PDZRN4: variants seen among roughly 807,000 people sequenced by gnomAD.
PDZRN4 encodes the protein PDZ domain-containing RING finger protein 4.
Under a neutral mutation model 99.0 loss-of-function variants are expected in PDZRN4, and 70 were observed. The ratio of observed to expected loss-of-function variants is 0.71; its 90% CI spans 0.58 to 0.86. The LOEUF is 0.86. Ranked by LOEUF, PDZRN4 falls within the 40% of genes least tolerant of loss-of-function variation. The pLI, the probability that PDZRN4 is intolerant of heterozygous loss-of-function variation, is 0.00. For missense variants in PDZRN4, 1,474 were observed against 1,331.2 expected, an observed-to-expected ratio of 1.11 and a Z score of -1.67; for synonymous variants, 551 against 501.6, an observed-to-expected ratio of 1.10 and a Z score of -1.32.
At chr12:41,233,640 G>A (rs1457633594) in intron 3 of PDZRN4, among the ~76,000 whole-genome samples, 1 of 152,084 alleles carries the variant, frequency 6.6e-6, no homozygotes, top group African/African-American at 2.4e-5. Flanking sequence ...CCTTTGTAGG[G>A]ACATGGATGA....
chr12:41,543,588 T>C (rs886599301), intron 5 of PDZRN4, among the ~76,000 whole-genome samples: 1 of 152,210 alleles, frequency 6.6e-6, no homozygotes, highest in East Asian at 1.9e-4. Flanking sequence ...TTGTTTTAGA[T>C]ATAACTTGTT....
intron 5 of PDZRN4, among the ~76,000 whole-genome samples, chr12:41,528,187 TG>T: frequency 7.1e-6 from 1 of 139,944 alleles, no homozygotes; most frequent in Non-Finnish European, 1.5e-5. Flanking sequence ...GGGGGTTTTT[TG>T]TTTGTTTGTT....
At chr12:41,259,011 T>C (rs1214094505) in intron 3 of PDZRN4, among the ~76,000 whole-genome samples, 1 of 152,084 alleles carries the variant, frequency 6.6e-6, no homozygotes, top group African/African-American at 2.4e-5. Context: ...TTATCATAGG[T>C]TGAAGCATCA....
chr12:41,337,879 C>A (rs1465019388), intron 3 of PDZRN4, among the ~76,000 whole-genome samples: 1 of 152,094 alleles, frequency 6.6e-6, no homozygotes, highest in African/African-American at 2.4e-5. Context: ...ACATAGATGA[C>A]CTCATAGAGG....
At chr12:41,469,937 A>G (rs1328130354) in intron 3 of PDZRN4, among the ~76,000 whole-genome samples, 1 of 152,076 alleles carries the variant, frequency 6.6e-6, no homozygotes, top group Admixed American at 6.5e-5. Flanking sequence ...CTCAAAAATA[A>G]AAAATAAAAA....
chr12:41,397,996 G>A (rs1952262336), intron 3 of PDZRN4, among the ~76,000 whole-genome samples: 1 of 152,092 alleles, frequency 6.6e-6, no homozygotes, highest in Admixed American at 6.6e-5. Flanking sequence ...GCTGCCTACA[G>A]CCCGGGGGAC....
intron 3 of PDZRN4, among the ~76,000 whole-genome samples, chr12:41,229,298 T>C (rs1951014443): frequency 6.6e-6 from 1 of 151,878 alleles, no homozygotes; most frequent in African/African-American, 2.4e-5. Context: ...AATGAAAGAA[T>C]CTTTTAAAGT....
intron 5 of PDZRN4, among the ~76,000 whole-genome samples, chr12:41,520,911 G>A (rs185550025): frequency 1.3e-5 from 2 of 152,214 alleles, no homozygotes; most frequent in Admixed American, 6.5e-5. Flanking sequence ...CACTTGGCTT[G>A]AACTGAGATA....
chr12:41,237,270 T>A (rs1469889094), intron 3 of PDZRN4, among the ~76,000 whole-genome samples: 2 of 152,108 alleles, frequency 1.3e-5, no homozygotes, highest in Admixed American at 6.6e-5. Context: ...TTTCATAATA[T>A]TTTAAAAAGA....
intron 3 of PDZRN4, among the ~76,000 whole-genome samples, chr12:41,475,559 T>C (rs1953034434): frequency 1.3e-5 from 2 of 152,198 alleles, no homozygotes; most frequent in Admixed American, 1.3e-4. Context: ...TAGAAAATTC[T>C]CATAAGAACA....
chr12:41,255,364 G>A (rs1157447673), intron 3 of PDZRN4, among the ~76,000 whole-genome samples: 1 of 152,124 alleles, frequency 6.6e-6, no homozygotes, highest in African/African-American at 2.4e-5. Context: ...TCTAAACTGG[G>A]GCTGTTCATG....
intron 3 of PDZRN4, among the ~76,000 whole-genome samples, chr12:41,432,400 T>A (rs1952592849): frequency 6.6e-6 from 1 of 152,230 alleles, no homozygotes; most frequent in African/African-American, 2.4e-5. Context: ...AGCAATCCTA[T>A]GGGGGAAAAT....
chr12:41,259,597 G>A (rs1460653676), intron 3 of PDZRN4, among the ~76,000 whole-genome samples: 1 of 152,040 alleles, frequency 6.6e-6, no homozygotes, highest in Admixed American at 6.5e-5. Flanking sequence ...GACCTTTGTT[G>A]CAGACTATAA....
In PDZRN4 at chr12:41,320,013, G is replaced by A. The variant is rs367792699; in HGVS notation, c.843+125825G>A. 3.3e-5 allele frequency among the ~76,000 whole-genome samples: 5 copies of A among 152,162 alleles called. No individual in the cohort carries two copies. In the East Asian group the frequency reaches 7.7e-4, roughly 23 times the overall value. On this transcript the variant is annotated intron_variant, in intron 3 of 9. Coordinates refer to ENST00000402685, the MANE Select transcript of PDZRN4 (RefSeq NM_001164595.2). ...ATGACTTTAGACTGTGCTTCTGCAC[G>A]TCTTTAGGCATTTATTCTGCCACCA...
In PDZRN4 at chr12:41,421,986, A is replaced by C. The variant is rs549680926; in HGVS notation, c.844-84470A>C. Among the ~76,000 whole-genome samples, 6 of 152,198 alleles carry C rather than the reference A, an allele frequency of 3.9e-5. No homozygotes were observed. In the East Asian group the frequency reaches 1.2e-3, roughly 29 times the overall value. On this transcript the variant is annotated intron_variant, in intron 3 of 9. Transcript: ENST00000402685. The stretch of plus-strand genomic sequence containing the variant: ...TGACGATTTATTTATTTAATTATTT[A>C]AGATGAGCAGAGTACCCACATGTGT...
chr12:41,260,226 A>T (rs1951228146), intron 3 of PDZRN4, among the ~76,000 whole-genome samples: 1 of 151,930 alleles, frequency 6.6e-6, no homozygotes, highest in Non-Finnish European at 1.5e-5. Flanking sequence ...TTATTTTTTG[A>T]CTTACGTATT....
intron 3 of PDZRN4, among the ~76,000 whole-genome samples, chr12:41,432,493 C>A (rs10880076): frequency 1.3e-5 from 2 of 151,934 alleles, no homozygotes; most frequent in Non-Finnish European, 2.9e-5. Context: ...TGCTGTCATC[C>A]CCCAGTTACA....
At chr12:41,375,515 C>T (rs1226575586) in intron 3 of PDZRN4, among the ~76,000 whole-genome samples, 3 of 152,156 alleles carry the variant, frequency 2.0e-5, no homozygotes, top group Non-Finnish European at 4.4e-5. Flanking sequence ...ATCCTATAAG[C>T]TAGGTATTAT....
At chr12:41,292,530 C>T (rs1951463116) in intron 3 of PDZRN4, among the ~76,000 whole-genome samples, 1 of 152,074 alleles carries the variant, frequency 6.6e-6, no homozygotes, top group South Asian at 2.1e-4. Flanking sequence ...TTCAGGACCC[C>T]CCTTTGACTG....
Sources: gnomAD v4.1 joint callset for allele counts (sites outside exome capture counted in the v4.1 genomes callset) on GRCh38, gnomAD v4.1.1 for gene constraint, MANE v1.5 for transcripts, NCBI Gene and HGNC (gene_info 2026-07-23, HGNC 2026-07-21) for gene names.